SEMA3D: variants seen among roughly 807,000 people sequenced by gnomAD.
SEMA3D encodes semaphorin-3D.
Under a neutral mutation model 100.1 loss-of-function variants are expected in SEMA3D, and 84 were observed. That is an observed-to-expected ratio of 0.84 (90% CI 0.70 to 1.01). SEMA3D has a LOEUF of 1.01. Among genes scored for constraint, SEMA3D ranks in the 50% least tolerant of loss-of-function variants. The pLI is 0.00. For missense variants in SEMA3D, 875 were observed against 934.1 expected, an observed-to-expected ratio of 0.94 and a Z score of 0.82; for synonymous variants, 312 against 320.7, an observed-to-expected ratio of 0.97 and a Z score of 0.29.
At chr7:85,019,771 G>C (rs1215813736) in intron 14 of SEMA3D, among the ~76,000 whole-genome samples, 1 of 151,548 alleles carries the variant, frequency 6.6e-6, no homozygotes, top group African/African-American at 2.4e-5. Context: ...GGTGAGAGGA[G>C]TTTAGCATAC....
chr7:85,179,307 T>A (rs1791329555), intron 1 of SEMA3D, among the ~76,000 whole-genome samples: 1 of 152,082 alleles, frequency 6.6e-6, no homozygotes, highest in African/African-American at 2.4e-5. Flanking sequence ...CCGCAGACAC[T>A]CAATGCTGAC....
At chr7:85,249,618 G>A in the SEMA3D span, among the ~76,000 whole-genome samples, 1 of 151,988 alleles carries the variant, frequency 6.6e-6, no homozygotes, top group Non-Finnish European at 1.5e-5. Context: ...AAACAATTGA[G>A]GACCTACCAA....
At chr7:85,250,199 C>A in the SEMA3D span, among the ~76,000 whole-genome samples, 1 of 146,050 alleles carries the variant, frequency 6.8e-6, no homozygotes, top group African/African-American at 2.5e-5. Context: ...ATAACCCGCA[C>A]CTGGCTCGGA....
the SEMA3D span, among the ~76,000 whole-genome samples, chr7:85,229,184 A>C: frequency 6.6e-6 from 1 of 152,072 alleles, no homozygotes; most frequent in Non-Finnish European, 1.5e-5. Context: ...TATTTTAGAA[A>C]TCTTGAAACT....
At position 84,999,240 on chromosome 7, in the gene SEMA3D, A is replaced by T; in HGVS notation, c.*200T>A. On this transcript the variant is annotated 3_prime_UTR_variant, in exon 19 of 19. Coordinates refer to ENST00000284136, the MANE Select transcript of SEMA3D (RefSeq NM_001384900.1). Reference sequence around the variant, plus strand: ...GATAATTCTTATACTTTGCTTGTGCAAGATTTGTTCTTGGAAAACTGGTTC... The same window carrying T: ...GATAATTCTTATACTTTGCTTGTGCTAGATTTGTTCTTGGAAAACTGGTTC... 1 of 570,816 alleles carries T rather than the reference A, an allele frequency of 1.8e-6. No homozygotes were observed. The allele number at this position is 570,816 out of a possible 1,614,324, so 35.4% of individuals were successfully genotyped here.
In SEMA3D at chr7:85,121,166, C is replaced by A. The variant is rs186423069; in HGVS notation, c.151+575G>T. Reference sequence around the variant, plus strand: ...AACTATTTGGGCGTGAAACTGGACACAGACACACACAAAGTTGACCAACCA... The same window carrying A: ...AACTATTTGGGCGTGAAACTGGACAAAGACACACACAAAGTTGACCAACCA... On this transcript the variant is annotated intron_variant, in intron 3 of 18. Transcript: ENST00000284136. Among the ~76,000 whole-genome samples, 252 of 152,272 alleles carry A rather than the reference C, an allele frequency of 1.7e-3. 1 individual carries two copies. Among genetic ancestry groups the A allele is most frequent in the African/African-American group, 5.4e-3 (224 of 41,556 alleles).
chr7:85,232,452 G>A, the SEMA3D span, among the ~76,000 whole-genome samples: 3 of 152,184 alleles, frequency 2.0e-5, no homozygotes, highest in Non-Finnish European at 4.4e-5. Flanking sequence ...CCGTAAAAAA[G>A]GTGGTGGCAG....
the SEMA3D span, among the ~76,000 whole-genome samples, chr7:85,232,913 T>C: frequency 1.3e-5 from 2 of 152,326 alleles, no homozygotes; most frequent in African/African-American, 4.8e-5. Flanking sequence ...ATTAACCCTT[T>C]ATGAGTCCTT....
intron 3 of SEMA3D, among the ~76,000 whole-genome samples, chr7:85,109,902 C>T (rs892842948): frequency 6.6e-6 from 1 of 151,880 alleles, no homozygotes; most frequent in African/African-American, 2.4e-5. Flanking sequence ...AAACCAATTG[C>T]TTACAAGATC....
At chr7:85,162,842 G>A (rs1790783985) in intron 1 of SEMA3D, among the ~76,000 whole-genome samples, 2 of 152,122 alleles carry the variant, frequency 1.3e-5, no homozygotes, top group South Asian at 2.1e-4. Context: ...TAGCTGAGAG[G>A]AAATACACTT....
chr7:85,029,248 T>C (rs1335168226), intron 12 of SEMA3D: 1 of 768,612 alleles, frequency 1.3e-6, no homozygotes, highest in African/African-American at 1.7e-5. Flanking sequence ...GCCAAGGGCA[T>C]CCTCAATGTC....
intron 1 of SEMA3D, among the ~76,000 whole-genome samples, chr7:85,183,547 C>A (rs139552388): frequency 6.6e-6 from 1 of 152,238 alleles, no homozygotes; most frequent in Admixed American, 6.5e-5. Flanking sequence ...CCCATTCCCA[C>A]GCTTACTAGT....
At chr7:85,094,995 TA>T (rs1788508128) in intron 4 of SEMA3D, among the ~76,000 whole-genome samples, 1 of 151,530 alleles carries the variant, frequency 6.6e-6, no homozygotes, top group Non-Finnish European at 1.5e-5. Flanking sequence ...CCAGAGAATT[TA>T]AAAAACAAAG....
At chr7:85,086,545 C>T (rs944834765) in intron 4 of SEMA3D, among the ~76,000 whole-genome samples, 9 of 151,042 alleles carry the variant, frequency 6.0e-5, no homozygotes, top group Middle Eastern at 3.6e-3. Context: ...TTATATAATG[C>T]GATATATAAT....
chr7:84,998,009 AC>A lies in SEMA3D; in HGVS notation c.*1430del, dbSNP rs1254342424. 2 of 152,298 alleles carry A rather than the reference AC, an allele frequency of 1.3e-5. No homozygotes were observed. Among genetic ancestry groups the A allele is most frequent in the East Asian group, 3.9e-4 (2 of 5,186 alleles). 9.4% of individuals were successfully genotyped at this position (152,298 alleles called of 1,614,324 possible). The stretch of plus-strand genomic sequence containing the variant: ...TAATATTGTGAGTTTGGTTCTTTTT[AC>A]ATGTAGCAGGCTTATTTATTGTTAA... On this transcript the variant is annotated 3_prime_UTR_variant, in exon 19 of 19. Coordinates refer to ENST00000284136, the MANE Select transcript of SEMA3D (RefSeq NM_001384900.1).
intron 1 of SEMA3D, among the ~76,000 whole-genome samples, chr7:85,170,583 G>A (rs2116545174): frequency 6.6e-6 from 1 of 152,038 alleles, no homozygotes; most frequent in East Asian, 1.9e-4. Flanking sequence ...GGCAGTTAAA[G>A]TCTGACATAA....
Position 85,064,588 on chromosome 7 carries a change from C to T in SEMA3D, c.718+836G>A, listed in dbSNP as rs78783676. ...ATAGACCCTAGGAAATCTCTACCCT[C>T]GCCTCCTTCACTAAGGCCCAATATT... On this transcript the variant is annotated intron_variant, in intron 8 of 18. Transcript: ENST00000284136. Among the ~76,000 whole-genome samples the T allele has an allele frequency of 6.4e-3, 972 of 152,200 alleles. 8 individuals are homozygous for T. Among genetic ancestry groups the T allele is most frequent in the African/African-American group, 0.022 (928 of 41,534 alleles).
At position 85,012,846 on chromosome 7, in the gene SEMA3D, C is replaced by T; in HGVS notation, c.1704G>A (p.Arg568=). Residue 568 remains arginine (R), a splice_region_variant and synonymous_variant, in exon 17 of 19, where the codon AGG becomes AGA. Coordinates refer to ENST00000284136, the MANE Select transcript of SEMA3D (RefSeq NM_001384900.1). ...ACSRYAPTSK[R]RARRQDVKYG... The stretch of plus-strand genomic sequence containing the variant: ...ATTTTACATCTTGGCGTCTAGCTCT[C>T]CTGCGGAAAGGGGATTAAACTTATT... 1 of 1,609,866 alleles carries T rather than the reference C, an allele frequency of 6.2e-7. No homozygotes were observed. Among genetic ancestry groups the T allele is most frequent in the East Asian group, 2.2e-5 (1 of 44,730 alleles).
the SEMA3D span, among the ~76,000 whole-genome samples, chr7:85,232,119 G>A: frequency 4.6e-5 from 7 of 152,214 alleles, no homozygotes; most frequent in African/African-American, 1.2e-4. Flanking sequence ...TGTTGGCTAC[G>A]AAAAATGAGT....
Sources: gnomAD v4.1 joint callset for allele counts (sites outside exome capture counted in the v4.1 genomes callset) on GRCh38, gnomAD v4.1.1 for gene constraint, MANE v1.5 for transcripts, NCBI Gene and HGNC (gene_info 2026-07-23, HGNC 2026-07-21) for gene names.